The following ERC1 variants were observed in gnomAD, a reference collection of about 807,000 sequenced individuals.
The protein encoded by ERC1 is ELKS/RAB6-interacting/CAST family member 1.
A neutral mutation model predicts 132.0 loss-of-function variants in ERC1; 56 were observed. The ratio of observed to expected loss-of-function variants is 0.42; its 90% CI spans 0.34 to 0.53. The LOEUF (loss-of-function observed/expected upper bound fraction) is 0.53. Among genes scored for constraint, ERC1 ranks in the 20% least tolerant of loss-of-function variants. The probability of loss-of-function intolerance (pLI) is 0.03; values close to 1 mark genes in which losing one functional copy is unlikely to be tolerated. For missense variants in ERC1, 1,202 were observed against 1,349.9 expected, an observed-to-expected ratio of 0.89 and a Z score of 1.72; for synonymous variants, 478 against 476.1, an observed-to-expected ratio of 1.00 and a Z score of -0.05.
intron 3 of ERC1, among the ~76,000 whole-genome samples, chr12:1,099,805 G>A (rs1944446473): frequency 6.8e-6 from 1 of 146,564 alleles, no homozygotes; most frequent in Admixed American, 6.8e-5. Flanking sequence ...TGAAAATGGG[G>A]TAATAAGGAT....
At chr12:1,173,817 A>G (rs1212752882) in intron 8 of ERC1, among the ~76,000 whole-genome samples, 1 of 152,268 alleles carries the variant, frequency 6.6e-6, no homozygotes, top group Non-Finnish European at 1.5e-5. Flanking sequence ...GTCCTTGATC[A>G]CAACGAAAGT....
intron 12 of ERC1, among the ~76,000 whole-genome samples, chr12:1,222,730 G>A (rs1175255420): frequency 2.0e-5 from 3 of 151,860 alleles, no homozygotes; most frequent in Admixed American, 2.0e-4. Context: ...TCTTAAATTT[G>A]TGTGGGAGAT....
chr12:1,137,203 A>G (rs1772046284), intron 7 of ERC1, among the ~76,000 whole-genome samples: 1 of 150,134 alleles, frequency 6.7e-6, no homozygotes, highest in Non-Finnish European at 1.5e-5. Context: ...GGTTCAAGCA[A>G]TTCTCCTGCC....
chr12:1,154,354 TACACACACACAC>T (rs35510985), intron 8 of ERC1, among the ~76,000 whole-genome samples: 2 of 145,740 alleles, frequency 1.4e-5, no homozygotes, highest in Admixed American at 6.9e-5. Context: ...TGTGTGTTTA[TACACACACACAC>T]ACACACACAC....
At chr12:1,343,733 A>T (rs997056178) in intron 15 of ERC1, among the ~76,000 whole-genome samples, 1 of 152,210 alleles carries the variant, frequency 6.6e-6, no homozygotes, top group Admixed American at 6.5e-5. Context: ...AACACATCAT[A>T]TAATGCCAGT....
intron 13 of ERC1, among the ~76,000 whole-genome samples, chr12:1,258,626 T>C (rs1225333929): frequency 6.6e-6 from 1 of 152,236 alleles, no homozygotes. Context: ...AGTCTGGCAT[T>C]GACAGATTAG....
At chr12:1,323,256 G>C (rs1392964592) in intron 15 of ERC1, among the ~76,000 whole-genome samples, 1 of 150,194 alleles carries the variant, frequency 6.7e-6, no homozygotes, top group Admixed American at 6.7e-5. Context: ...GCTGGTAATG[G>C]GGAAAAAAAA....
At chr12:1,154,354 TACAC>T (rs35510985) in intron 8 of ERC1, among the ~76,000 whole-genome samples, 2,201 of 145,660 alleles carry the variant, frequency 0.015, 75 homozygotes, top group African/African-American at 0.049. Context: ...TGTGTGTTTA[TACAC>T]ACACACACAC....
chr12:1,356,048 C>CA (rs1481563524), intron 15 of ERC1, among the ~76,000 whole-genome samples: 1 of 151,702 alleles, frequency 6.6e-6, no homozygotes, highest in Non-Finnish European at 1.5e-5. Flanking sequence ...TCTACACACA[C>CA]AAAAAATTAG....
At chr12:1,060,042 A>G (rs1973701841) in intron 2 of ERC1, among the ~76,000 whole-genome samples, 1 of 152,150 alleles carries the variant, frequency 6.6e-6, no homozygotes, top group African/African-American at 2.4e-5. Flanking sequence ...CAGGTTTACT[A>G]CTTGTATTAG....
At chr12:1,253,102 T>C (rs2076566479) in intron 13 of ERC1, among the ~76,000 whole-genome samples, 1 of 152,160 alleles carries the variant, frequency 6.6e-6, no homozygotes, top group African/African-American at 2.4e-5. Context: ...ATAAATGACT[T>C]CCATTACCGT....
chr12:1,211,150 T>C (rs981358857), intron 12 of ERC1, among the ~76,000 whole-genome samples: 3 of 152,190 alleles, frequency 2.0e-5, no homozygotes, highest in African/African-American at 2.4e-5. Flanking sequence ...TAAATTGATA[T>C]ATATATATAT....
chr12:1,251,874 A>G (rs1387283426), intron 13 of ERC1, among the ~76,000 whole-genome samples: 1 of 152,150 alleles, frequency 6.6e-6, no homozygotes, highest in African/African-American at 2.4e-5. Flanking sequence ...CTGGACTACT[A>G]AGTTCTCACT....
In ERC1 at chr12:1,218,217, G is replaced by A. The variant is rs146612350; in HGVS notation, c.2352-18552G>A. 7.2e-5 allele frequency among the ~76,000 whole-genome samples: 11 copies of A among 152,230 alleles called. No individual in the cohort carries two copies. In the East Asian group the frequency reaches 2.1e-3, roughly 29 times the overall value. On this transcript the variant is annotated intron_variant, in intron 12 of 18. Transcript: ENST00000360905. ...CAGCCTACTTGCATCTATACCTGGA[G>A]CCTTTGCCTGAATAGTGCCACTATT...
In ERC1 at chr12:1,228,202, T is replaced by G. The variant is rs142440784; in HGVS notation, c.2352-8567T>G. ...ATGCCATTGGTATTTTGATAGAGGC[T>G]GCATTGAATCCATAGATTGCTTTGA... On this transcript the variant is annotated intron_variant, in intron 12 of 18. Coordinates refer to ENST00000360905, the MANE Select transcript of ERC1 (RefSeq NM_178040.4). Among the ~76,000 whole-genome samples the G allele has an allele frequency of 4.5e-4, 68 of 152,346 alleles. 1 individual carries two copies. The highest frequency in any genetic ancestry group is 3.5e-3 in the East Asian group (18 of 5,194).
chr12:1,114,831 A>G (rs1946280545), intron 6 of ERC1, among the ~76,000 whole-genome samples: 1 of 150,986 alleles, frequency 6.6e-6, no homozygotes, highest in East Asian at 1.9e-4. Context: ...GCATATGAGA[A>G]AAATACTTAA....
chr12:1,191,420 G>T (rs888246062), intron 12 of ERC1, among the ~76,000 whole-genome samples: 1 of 152,022 alleles, frequency 6.6e-6, no homozygotes, highest in Non-Finnish European at 1.5e-5. Flanking sequence ...ACAAAAATGC[G>T]GTGCTTTTGA....
intron 13 of ERC1, among the ~76,000 whole-genome samples, chr12:1,255,621 CTTTTTTTTTTT>C (rs757949030): frequency 0.011 from 661 of 61,514 alleles, 7 homozygotes; most frequent in African/African-American, 0.033. Flanking sequence ...GCTTCCTGGC[CTTTTTTTTTTT>C]TTTTTTTTTT....
intron 2 of ERC1, among the ~76,000 whole-genome samples, chr12:1,063,487 G>T (rs1336228304): frequency 6.6e-6 from 1 of 152,054 alleles, no homozygotes; most frequent in African/African-American, 2.4e-5. Context: ...GTCTCGAACT[G>T]CTGACTTCAG....
Sources: allele counts gnomAD v4.1 joint callset (sites outside exome capture counted in the v4.1 genomes callset), GRCh38; gene constraint gnomAD v4.1.1; transcripts MANE v1.5; gene names NCBI Gene and HGNC (gene_info 2026-07-23, HGNC 2026-07-21).